The following TRAPPC8 variants were observed in gnomAD, a reference collection of about 807,000 sequenced individuals.
The protein encoded by TRAPPC8 is general sporulation gene 1 homolog.
Under a neutral mutation model 174.3 loss-of-function variants are expected in TRAPPC8, and 54 were observed. The ratio of observed to expected loss-of-function variants is 0.31; its 90% CI spans 0.25 to 0.39. The LOEUF is 0.39. TRAPPC8 is among the 10% of genes least tolerant of loss of function. The pLI, the probability that TRAPPC8 is intolerant of heterozygous loss-of-function variation, is 1.00. For missense variants in TRAPPC8, 1,531 were observed against 1,699.1 expected, an observed-to-expected ratio of 0.90 and a Z score of 1.74; for synonymous variants, 630 against 579.9, an observed-to-expected ratio of 1.09 and a Z score of -1.24.
chr18:31,861,727 A>G (rs566112815), intron 19 of TRAPPC8, among the ~76,000 whole-genome samples: 1 of 152,112 alleles, frequency 6.6e-6, no homozygotes, highest in East Asian at 1.9e-4. Flanking sequence ...GCTTGAGCTT[A>G]GGAGTTTGAG....
Position 31,942,853 on chromosome 18 carries a change from CGGCCTGGCCCGGCCGGGCGG to C in TRAPPC8, c.-109_-90del. 8.0e-7 allele frequency: 1 copy of C among 1,257,370 alleles called. No individual in the cohort carries two copies. The highest frequency in any genetic ancestry group is 3.2e-5 in the South Asian group (1 of 31,706). 77.9% of individuals were successfully genotyped at this position (1,257,370 alleles called of 1,614,324 possible). On this transcript the variant is annotated 5_prime_UTR_variant, in exon 1 of 29. Transcript: ENST00000283351. ...TGCAGCAGCTACCGCCGCCGCCCGC[CGGCCTGGCCCGGCCGGGCGG>C]GGCCCCGAACGCACTGGAGCCTAGA...
At chr18:31,889,368 A>C (rs2035860119) in intron 12 of TRAPPC8, among the ~76,000 whole-genome samples, 1 of 152,244 alleles carries the variant, frequency 6.6e-6, no homozygotes. Flanking sequence ...TGACATTACC[A>C]TTCTCACAAA....
chr18:31,836,984 G>T (rs938166641), intron 27 of TRAPPC8, among the ~76,000 whole-genome samples: 3 of 151,874 alleles, frequency 2.0e-5, no homozygotes, highest in Admixed American at 2.0e-4. Context: ...GGATGGTCTT[G>T]ATCTCCTGAC....
chr18:31,867,985 T>C (rs1432918267), intron 16 of TRAPPC8, among the ~76,000 whole-genome samples: 1 of 152,144 alleles, frequency 6.6e-6, no homozygotes, highest in Non-Finnish European at 1.5e-5. Flanking sequence ...TAATTTAATC[T>C]TACAATAATA....
chr18:31,906,784 A>G (rs760629897), intron 9 of TRAPPC8, among the ~76,000 whole-genome samples: 2 of 152,210 alleles, frequency 1.3e-5, no homozygotes, highest in Non-Finnish European at 2.9e-5. Flanking sequence ...CTTATTATAT[A>G]TAAGGCATTA....
rs2032237446 is a variant in TRAPPC8 at position 31,829,479 on chromosome 18, G to A, written c.*1276C>T. 1 of 152,240 alleles carries A rather than the reference G, an allele frequency of 6.6e-6. No homozygotes were observed. The highest frequency in any genetic ancestry group is 2.4e-5 in the African/African-American group (1 of 41,426). The allele number at this position is 152,240 out of a possible 1,614,324, so 9.4% of individuals were successfully genotyped here. On this transcript the variant is annotated 3_prime_UTR_variant, in exon 29 of 29. Coordinates refer to ENST00000283351, the MANE Select transcript of TRAPPC8 (RefSeq NM_014939.5). ...CCTGCTAAGACACAGAGTGGAAGGAGCTGAAAAGCCAGAGACCCACTTAAG... is the reference window on the plus strand; with the variant it reads ...CCTGCTAAGACACAGAGTGGAAGGAACTGAAAAGCCAGAGACCCACTTAAG...
At chr18:31,937,455 GA>G (rs1328404892) in intron 1 of TRAPPC8, 1 of 151,136 alleles carries the variant, frequency 6.6e-6, no homozygotes, top group Admixed American at 6.6e-5. Context: ...TTTTGAGCCA[GA>G]AGGTTGAGGC....
intron 21 of TRAPPC8, among the ~76,000 whole-genome samples, chr18:31,855,444 AT>A (rs2033949193): frequency 6.6e-6 from 1 of 152,204 alleles, no homozygotes; most frequent in Non-Finnish European, 1.5e-5. Flanking sequence ...AGTGTGTACC[AT>A]ATTAATATCA....
chr18:31,884,461 G>A (rs1442667396), intron 12 of TRAPPC8, among the ~76,000 whole-genome samples: 1 of 152,116 alleles, frequency 6.6e-6, no homozygotes, highest in African/African-American at 2.4e-5. Flanking sequence ...GGTTTGTTCT[G>A]TAGTGATAGA....
chr18:31,909,161 A>G lies in TRAPPC8; in HGVS notation c.866-151T>C, dbSNP rs528966924. 82 of 675,142 alleles carry G rather than the reference A, an allele frequency of 1.2e-4. No individual in the cohort carries two copies. The South Asian group carries it at 3.0e-3, about 25-fold the overall frequency. The allele number at this position is 675,142 out of a possible 1,614,324, so 41.8% of individuals were successfully genotyped here. A position where few individuals can be genotyped will look rare whatever the true frequency, so the allele number is the denominator to read the frequency against. On this transcript the variant is annotated intron_variant, in intron 6 of 28. Transcript: ENST00000283351. The stretch of plus-strand genomic sequence containing the variant: ...ATGTCTAAGATAAAACAGCAGTAAC[A>G]TCCCCCAGCCCCAAAATTAATGAGC...
chr18:31,932,928 C>A (rs1258082309), intron 1 of TRAPPC8, among the ~76,000 whole-genome samples: 2 of 132,230 alleles, frequency 1.5e-5, no homozygotes, highest in Non-Finnish European at 3.1e-5. Context: ...TGAGCCAAGG[C>A]GGAGGGTTGC....
intron 26 of TRAPPC8, chr18:31,844,601 AC>A (rs913791521): frequency 2.0e-5 from 3 of 151,900 alleles, no homozygotes; most frequent in African/African-American, 7.3e-5. Flanking sequence ...TCTATATACC[AC>A]CTGTCAGGAG....
In TRAPPC8 at chr18:31,908,314, T is replaced by C. The variant is rs1735757270; in HGVS notation, c.1227A>G (p.Thr409=). 2 of 1,598,648 alleles carry C rather than the reference T, an allele frequency of 1.3e-6. No homozygotes were observed. Among genetic ancestry groups the C allele is most frequent in the African/African-American group, 1.3e-5 (1 of 74,134 alleles). ...AACACTTTACTCACAGCAAGCCAGA[T>C]GTATTTTTCAGGTCATTAATGCTCT... is the stretch of plus-strand genomic sequence containing the variant. ...PEKSINDLKN[T]SGLLYPPEAP... The change falls in exon 8 of 29, where the codon ACA becomes ACG. Residue 409 remains threonine (T), a synonymous_variant. Transcript: ENST00000283351.
rs2034507478 is a variant in TRAPPC8, at chr18:31,864,777, T to G, written c.2595A>C (p.Lys865Asn). Reference protein sequence around the residue: ...IGALPGCHTGKYSLSMSVRGK... With the variant: ...IGALPGCHTGNYSLSMSVRGK... ...CTCGGACTGACATACTCAAGGAATA[T>G]TTTCCTGAAATAAAAAACAATCAAT... Residue 865 changes from lysine (K) to asparagine (N), a missense_variant, in exon 19 of 29, where the codon AAA becomes AAC. Coordinates refer to ENST00000283351, the MANE Select transcript of TRAPPC8 (RefSeq NM_014939.5). 6.3e-7 allele frequency: 1 copy of G among 1,599,080 alleles called. No individual in the cohort carries two copies. Among genetic ancestry groups the G allele is most frequent in the Non-Finnish European group, 8.5e-7 (1 of 1,174,762 alleles).
chr18:31,832,032 A>G, intron 28 of TRAPPC8, 52 bp downstream of exon 28: 6 of 1,249,834 alleles, frequency 4.8e-6, no homozygotes, highest in Non-Finnish European at 6.6e-6. Flanking sequence ...CATAATTTCA[A>G]AATATTAAAT....
In TRAPPC8 at chr18:31,849,692, T is replaced by C; in HGVS notation, c.3609A>G (p.Leu1203=). 1.9e-6 allele frequency: 3 copies of C among 1,611,654 alleles called. No individual in the cohort carries two copies. The highest frequency in any genetic ancestry group is 2.5e-6 in the Non-Finnish European group (3 of 1,178,842). The change falls in exon 25 of 29, where the codon TTA becomes TTG. Residue 1203 remains leucine, a synonymous_variant. Coordinates refer to ENST00000283351, the MANE Select transcript of TRAPPC8 (RefSeq NM_014939.5). ...SPCADFFYRS[L]SSELKKPQAH... Reference sequence around the variant, plus strand: ...CTTGTGGTTTTTTCAATTCAGAAGATAAACTTCGATAAAAGAAGTCTGCAC... The same window carrying C: ...CTTGTGGTTTTTTCAATTCAGAAGACAAACTTCGATAAAAGAAGTCTGCAC...
intron 12 of TRAPPC8, among the ~76,000 whole-genome samples, chr18:31,881,779 C>G (rs183687451): frequency 6.6e-6 from 1 of 151,844 alleles, no homozygotes; most frequent in Non-Finnish European, 1.5e-5. Context: ...CTAAAAGTAA[C>G]TTAAATCAAG....
intron 9 of TRAPPC8, among the ~76,000 whole-genome samples, chr18:31,903,876 C>A (rs2036549253): frequency 6.7e-6 from 1 of 150,262 alleles, no homozygotes; most frequent in Non-Finnish European, 1.5e-5. Flanking sequence ...AAAACAAACT[C>A]ATTCTACTGG....
intron 5 of TRAPPC8, among the ~76,000 whole-genome samples, chr18:31,911,394 T>C (rs2036896493): frequency 6.7e-6 from 1 of 149,734 alleles, no homozygotes; most frequent in Non-Finnish European, 1.5e-5. Context: ...GAGGTTGCAG[T>C]GAGCCGAGAT....
Sources: gnomAD v4.1 joint callset for allele counts (sites outside exome capture counted in the v4.1 genomes callset) on GRCh38, gnomAD v4.1.1 for gene constraint, MANE v1.5 for transcripts, NCBI Gene and HGNC (gene_info 2026-07-23, HGNC 2026-07-21) for gene names.